Variants in CERK observed in about 807,000 individuals in gnomAD.
CERK encodes the protein acylsphingosine kinase.
Under a neutral mutation model 63.4 loss-of-function variants are expected in CERK, and 39 were observed. That is an observed-to-expected ratio of 0.61 (90% CI 0.48 to 0.80). The LOEUF is 0.80. CERK is among the 30% of genes least tolerant of loss of function. The probability of loss-of-function intolerance (pLI) is 0.00; values close to 1 mark genes in which losing one functional copy is unlikely to be tolerated. For missense variants in CERK, 670 were observed against 714.1 expected (o/e 0.94, Z 0.70); for synonymous variants, 302 against 280.0 (o/e 1.08, Z -0.78).
chr22:46,737,177 C>T (rs2082977818), intron 1 of CERK, among the ~76,000 whole-genome samples: 1 of 151,842 alleles, frequency 6.6e-6, no homozygotes, highest in Non-Finnish European at 1.5e-5. Context: ...CCTGTAATCC[C>T]AGCTACTCCG....
intron 8 of CERK, among the ~76,000 whole-genome samples, chr22:46,698,033 A>G (rs2082764803): frequency 6.6e-6 from 1 of 152,218 alleles, no homozygotes; most frequent in South Asian, 2.1e-4. Flanking sequence ...AAGCCCACCC[A>G]GACCTGCCGT....
intron 12 of CERK, among the ~76,000 whole-genome samples, chr22:46,687,576 A>T (rs1203611135): frequency 6.6e-6 from 1 of 151,518 alleles, no homozygotes; most frequent in African/African-American, 2.4e-5. Flanking sequence ...GTGTCTGCCC[A>T]CTCCACCCAC....
At chr22:46,729,609 T>C (rs73473223) in intron 1 of CERK, among the ~76,000 whole-genome samples, 352 of 151,986 alleles carry the variant, frequency 2.3e-3, no homozygotes, top group African/African-American at 8.2e-3. Context: ...TACAAAATAA[T>C]GTACCAAATA....
intron 8 of CERK, among the ~76,000 whole-genome samples, chr22:46,696,167 G>T (rs1329651071): frequency 6.6e-6 from 1 of 152,218 alleles, no homozygotes; most frequent in East Asian, 1.9e-4. Flanking sequence ...GGGGGAAGCT[G>T]CCGGCAAGAG....
chr22:46,733,204 GTC>G (rs2082954729), intron 1 of CERK, among the ~76,000 whole-genome samples: 1 of 72,458 alleles, frequency 1.4e-5, no homozygotes, highest in African/African-American at 4.6e-5. Flanking sequence ...GTGGGACTCT[GTC>G]TCAAAAAAAA....
chr22:46,697,513 C>CT (rs143484513), intron 8 of CERK, among the ~76,000 whole-genome samples: 6,018 of 150,860 alleles, frequency 0.04, 372 homozygotes, highest in African/African-American at 0.14. Context: ...TTCTACTTTT[C>CT]TTTTTTTTTG....
chr22:46,721,326 G>A lies in CERK; in HGVS notation c.143-311C>T, dbSNP rs140839238. On this transcript the variant is annotated intron_variant, in intron 1 of 12. Coordinates refer to ENST00000216264, the MANE Select transcript of CERK (RefSeq NM_022766.6). ...ATATTTTTTTGAGACAGAGTCTCACGCTGTCGCCCAGGCTGGAGTGCAGTG... is the reference window on the plus strand; with the variant it reads ...ATATTTTTTTGAGACAGAGTCTCACACTGTCGCCCAGGCTGGAGTGCAGTG... 5.7e-4 allele frequency among the ~76,000 whole-genome samples: 86 copies of A among 151,918 alleles called. 1 individual carries two copies. In the East Asian group the frequency reaches 0.014, roughly 25 times the overall value.
At chr22:46,719,865 C>T (rs1350483361) in intron 3 of CERK, among the ~76,000 whole-genome samples, 2 of 152,250 alleles carry the variant, frequency 1.3e-5, no homozygotes, top group Non-Finnish European at 2.9e-5. Context: ...GGCCAGTGAG[C>T]AGGGGGCTGG....
At chr22:46,727,697 G>T (rs1310008338) in intron 1 of CERK, among the ~76,000 whole-genome samples, 1 of 152,130 alleles carries the variant, frequency 6.6e-6, no homozygotes, top group Non-Finnish European at 1.5e-5. Flanking sequence ...CAGCCTAAGG[G>T]TGCTGTGGTC....
intron 3 of CERK, among the ~76,000 whole-genome samples, chr22:46,713,189 G>A (rs2082850127): frequency 6.6e-6 from 1 of 152,074 alleles, no homozygotes; most frequent in South Asian, 2.1e-4. Flanking sequence ...CAAGGAAACT[G>A]AAAACCTAAG....
intron 11 of CERK, among the ~76,000 whole-genome samples, chr22:46,690,489 G>T (rs1184296280): frequency 6.6e-6 from 1 of 152,048 alleles, no homozygotes; most frequent in Non-Finnish European, 1.5e-5. Context: ...GACTTCTAAT[G>T]CTTTTAGAAA....
chr22:46,722,821 G>A (rs1306346860), intron 1 of CERK, among the ~76,000 whole-genome samples: 2 of 152,176 alleles, frequency 1.3e-5, no homozygotes, highest in Non-Finnish European at 2.9e-5. Flanking sequence ...GGCAGTCCAC[G>A]TGCGTCCTGC....
rs75505953 is a variant in CERK at position 46,686,785 on chromosome 22, C to T, written c.*349G>A. 3.9e-3 allele frequency: 894 copies of T among 229,116 alleles called. 4 individuals are homozygous for T. The highest frequency in any genetic ancestry group is 5.4e-3 in the Non-Finnish European group (615 of 113,560). The allele number at this position is 229,116 out of a possible 1,614,324, so 14.2% of individuals were successfully genotyped here. On this transcript the variant is annotated 3_prime_UTR_variant, in exon 13 of 13. Coordinates refer to ENST00000216264, the MANE Select transcript of CERK (RefSeq NM_022766.6). ...CCTCAGGCCCAGATGGTGTGACCTG[C>T]GTGGAAATCATATAATGTCCCTAAC...
intron 8 of CERK, among the ~76,000 whole-genome samples, chr22:46,695,916 G>A (rs2082753850): frequency 1.3e-5 from 2 of 152,350 alleles, no homozygotes; most frequent in South Asian, 2.1e-4. Context: ...TGGGCAGGAG[G>A]CAGGAGAGGG....
At chr22:46,690,427 TC>T (rs928592802) in intron 11 of CERK, among the ~76,000 whole-genome samples, 4 of 151,564 alleles carry the variant, frequency 2.6e-5, no homozygotes, top group Non-Finnish European at 5.9e-5. Context: ...GCGCCCACCT[TC>T]CCCGGCGCCT....
intron 5 of CERK, among the ~76,000 whole-genome samples, chr22:46,710,417 A>G (rs2082834769): frequency 6.6e-6 from 1 of 151,850 alleles, no homozygotes; most frequent in Non-Finnish European, 1.5e-5. Context: ...ACAAGAGCGA[A>G]ACTCTGCCTC....
At position 46,712,164 on chromosome 22, in the gene CERK, T is replaced by C; in HGVS notation, c.505+4A>G. 1 of 1,613,986 alleles carries C rather than the reference T, an allele frequency of 6.2e-7. No homozygotes were observed. Among genetic ancestry groups the C allele is most frequent in the South Asian group, 1.1e-5 (1 of 91,012 alleles). ...TTCTACATAGTTAACATAGAATTTG[T>C]TACCGATGATGTCAGTGGTGATGGA... is the stretch of plus-strand genomic sequence containing the variant. On this transcript the variant is annotated splice_donor_region_variant and intron_variant, in intron 4 of 12. Coordinates refer to ENST00000216264, the MANE Select transcript of CERK (RefSeq NM_022766.6).
chr22:46,720,296 T>A (rs2082885867), intron 2 of CERK, 88 bp from the exon 3 acceptor site: 10 of 1,495,748 alleles, frequency 6.7e-6, no homozygotes, highest in African/African-American at 1.4e-5. Flanking sequence ...TGCAGCTAAT[T>A]ATAGGTTCCT....
chr22:46,714,244 C>G lies in CERK; in HGVS notation c.380-1951G>C, dbSNP rs925942707. On this transcript the variant is annotated intron_variant, in intron 3 of 12. Transcript: ENST00000216264. The surrounding 1 kb of genome is among the most constrained non-coding windows in gnomAD (Gnocchi z 4.4). Reference sequence around the variant, plus strand: ...CAAGATCGCGCCATTGCACTCCAGCCTGGGTGACAGAGTAAGACTCCATGT... The same window carrying G: ...CAAGATCGCGCCATTGCACTCCAGCGTGGGTGACAGAGTAAGACTCCATGT... Among the ~76,000 whole-genome samples, 1 of 152,194 alleles carries G rather than the reference C, an allele frequency of 6.6e-6. No individual in the cohort carries two copies. The highest frequency in any genetic ancestry group is 2.4e-5 in the African/African-American group (1 of 41,442).
Sources: gnomAD v4.1 joint callset for allele counts (sites outside exome capture counted in the v4.1 genomes callset) on GRCh38, gnomAD v4.1.1 for gene constraint, Gnocchi (gnomAD v3.1) non-coding constraint, MANE v1.5 for transcripts, NCBI Gene and HGNC (gene_info 2026-07-23, HGNC 2026-07-21) for gene names.